C3orf52: variants seen among roughly 807,000 people sequenced by gnomAD.
C3orf52 encodes chromosome 3 open reading frame 52.
A neutral mutation model predicts 24.8 loss-of-function variants in C3orf52; 22 were observed. That is an observed-to-expected ratio of 0.89 (90% CI 0.63 to 1.27). C3orf52 has a LOEUF of 1.27. Among genes scored for constraint, C3orf52 ranks in the 50% most tolerant of loss-of-function variants. The pLI is 0.00. For synonymous variants in C3orf52, 93 were observed against 100.2 expected, an observed-to-expected ratio of 0.93 and a Z score of 0.43; for missense variants, 265 against 260.7, an observed-to-expected ratio of 1.02 and a Z score of -0.11.
chr3:112,105,570 G>GTGTGTT (rs199579112), intron 3 of C3orf52, among the ~76,000 whole-genome samples: 5 of 133,948 alleles, frequency 3.7e-5, no homozygotes, highest in African/African-American at 1.3e-4. Flanking sequence ...GTGTGTGTGT[G>GTGTGTT]TTTTCCACAC....
intron 3 of C3orf52, among the ~76,000 whole-genome samples, chr3:112,105,539 C>CAT (rs1491219295): frequency 3.3e-4 from 49 of 148,236 alleles, no homozygotes; most frequent in African/African-American, 1.1e-3. Context: ...CTTCTTTGGC[C>CAT]GTGTGTGTGT....
downstream of C3orf52, chr3:112,135,408 A>C (rs1237159548): frequency 1.3e-5 from 2 of 152,624 alleles, no homozygotes; most frequent in Non-Finnish European, 2.9e-5. Context: ...TAAAACAGGC[A>C]GGAGAAGGAT....
At position 112,088,488 on chromosome 3, in the gene C3orf52, C is replaced by A. The variant is rs149389095; in HGVS notation, c.138+1943C>A. Among the ~76,000 whole-genome samples the A allele has an allele frequency of 2.2e-3, 330 of 152,248 alleles. 4 individuals carry two copies. Among genetic ancestry groups the A allele is most frequent in the African/African-American group, 7.5e-3 (312 of 41,510 alleles). ...GCATAAATGCATTTAATTATCACAA[C>A]TAACTTAAGAGGAAGGCGTCAGTAT... On this transcript the variant is annotated intron_variant, in intron 1 of 5. Transcript: ENST00000264848.
chr3:112,132,891 T>C (rs1193370149), downstream of C3orf52: 4 of 554,696 alleles, frequency 7.2e-6, no homozygotes, highest in Non-Finnish European at 1.2e-5. Context: ...CTCACCATGA[T>C]TCTTGGGAGA....
chr3:112,126,921 G>T, intron 4 of C3orf52: 1 of 1,088,036 alleles, frequency 9.2e-7, no homozygotes, highest in Non-Finnish European at 1.4e-6. Flanking sequence ...TGGGAACATA[G>T]AGAAGAAGTA....
At chr3:112,111,682 C>T (rs2074084507) in intron 4 of C3orf52, 1 of 152,186 alleles carries the variant, frequency 6.6e-6, no homozygotes, top group Non-Finnish European at 1.5e-5. Flanking sequence ...AGTCCTTGCC[C>T]CTGGGAATGC....
downstream of C3orf52, chr3:112,121,911 T>G (rs1203884297): frequency 6.6e-6 from 1 of 152,226 alleles, no homozygotes; most frequent in African/African-American, 2.4e-5. Flanking sequence ...CCCTGTCGCT[T>G]AGCTGGTCCA....
At chr3:112,091,864 C>T (rs1000308416) in intron 1 of C3orf52, among the ~76,000 whole-genome samples, 32 of 151,982 alleles carry the variant, frequency 2.1e-4, no homozygotes, top group African/African-American at 3.9e-4. Flanking sequence ...ATTAGCCGGG[C>T]GTGGTGGCGG....
chr3:112,115,485 A>G (rs1048245001), intron 5 of C3orf52, among the ~76,000 whole-genome samples: 10 of 152,192 alleles, frequency 6.6e-5, no homozygotes, highest in Admixed American at 2.0e-4. Context: ...GTTTCCCACA[A>G]TGGTAATGTT....
rs992419316 is a variant in C3orf52, at chr3:112,117,148, A to G, written c.*502A>G. ...GTAGAGCACGGAGAGGCAGGCAGCCAGGTTACGAAGACTAAGCCAATTATT... is the reference window on the plus strand; with the variant it reads ...GTAGAGCACGGAGAGGCAGGCAGCCGGGTTACGAAGACTAAGCCAATTATT... On this transcript the variant is annotated 3_prime_UTR_variant, in exon 6 of 6. Coordinates refer to ENST00000264848, the MANE Select transcript of C3orf52 (RefSeq NM_024616.3). 7 of 567,548 alleles carry G rather than the reference A, an allele frequency of 1.2e-5. No homozygotes were observed. In the African/African-American group the frequency reaches 1.3e-4, roughly 11 times the overall value. 35.2% of individuals were successfully genotyped at this position (567,548 alleles called of 1,614,324 possible). A position where few individuals can be genotyped will look rare whatever the true frequency, so the allele number is the denominator to read the frequency against.
chr3:112,089,829 A>C (rs1350516105), intron 1 of C3orf52, among the ~76,000 whole-genome samples: 1 of 152,200 alleles, frequency 6.6e-6, no homozygotes, highest in East Asian at 1.9e-4. Flanking sequence ...CCTTTATCTA[A>C]AGACGGATGT....
At chr3:112,127,940 T>A (rs1019404029) in intron 4 of C3orf52, 1 of 1,242,744 alleles carries the variant, frequency 8.0e-7, no homozygotes, top group African/African-American at 1.5e-5. Flanking sequence ...CCACAGACAG[T>A]CACAGGTAAC....
downstream of C3orf52, chr3:112,119,666 T>C (rs920448280): frequency 3.6e-5 from 22 of 602,846 alleles, no homozygotes; most frequent in Non-Finnish European, 5.9e-5. Flanking sequence ...AATCTCTCAA[T>C]GTCCTCCTTC....
intron 5 of C3orf52, among the ~76,000 whole-genome samples, chr3:112,115,648 G>T (rs1195766232): frequency 2.0e-5 from 3 of 152,114 alleles, no homozygotes; most frequent in African/African-American, 7.2e-5. Context: ...CAGGGATTCC[G>T]AGTATTTCCC....
chr3:112,133,124 C>G (rs202114131), downstream of C3orf52: 4 of 1,613,912 alleles, frequency 2.5e-6, no homozygotes, highest in Middle Eastern at 1.7e-4. Flanking sequence ...TTCCCATCCT[C>G]TCAGTCCTCT....
chr3:112,111,450 GT>G (rs974366872), intron 4 of C3orf52: 1 of 152,254 alleles, frequency 6.6e-6, no homozygotes, highest in Non-Finnish European at 1.5e-5. Flanking sequence ...ATGCCCTTTG[GT>G]TTATTAGCTG....
intron 2 of C3orf52, among the ~76,000 whole-genome samples, chr3:112,100,219 A>T (rs1259319876): frequency 6.6e-6 from 1 of 152,098 alleles, no homozygotes; most frequent in African/African-American, 2.4e-5. Flanking sequence ...TTCGTGGGCG[A>T]TGTTTAACAA....
chr3:112,101,054 C>T (rs562011570), intron 2 of C3orf52, among the ~76,000 whole-genome samples: 15 of 152,008 alleles, frequency 9.9e-5, no homozygotes, highest in East Asian at 1.9e-4. Flanking sequence ...GCTATGAAGG[C>T]GTAACTTTTT....
chr3:112,126,757 C>G (rs2074329934), intron 4 of C3orf52, among the ~76,000 whole-genome samples: 1 of 152,198 alleles, frequency 6.6e-6, no homozygotes, highest in South Asian at 2.1e-4. Flanking sequence ...TGCCTTCAGC[C>G]TCCAGGCCTC....
Sources: gnomAD v4.1 joint callset for allele counts (sites outside exome capture counted in the v4.1 genomes callset) on GRCh38, gnomAD v4.1.1 for gene constraint, MANE v1.5 for transcripts, NCBI Gene and HGNC (gene_info 2026-07-23, HGNC 2026-07-21) for gene names.